The following UBE2E3 variants were observed in gnomAD, a reference collection of about 807,000 sequenced individuals.
UBE2E3 encodes ubiquitin-conjugating enzyme E2 E3.
Under a neutral mutation model 23.6 loss-of-function variants are expected in UBE2E3, and 5 were observed. The ratio of observed to expected loss-of-function variants is 0.21; its 90% confidence interval spans 0.11 to 0.44. The LOEUF (loss-of-function observed/expected upper bound fraction) is 0.44. Among genes scored for constraint, UBE2E3 ranks in the 20% least tolerant of loss-of-function variants. The probability of loss-of-function intolerance (pLI) is 0.99; values close to 1 mark genes in which losing one functional copy is unlikely to be tolerated. For missense variants in UBE2E3, 81 were observed against 249.8 expected, an observed-to-expected ratio of 0.32 and a Z score of 4.55; for synonymous variants, 78 against 87.5, an observed-to-expected ratio of 0.89 and a Z score of 0.60.
intron 3 of UBE2E3, among the ~76,000 whole-genome samples, chr2:180,985,040 G>C (rs1399729780): frequency 6.6e-6 from 1 of 151,988 alleles, no homozygotes; most frequent in Non-Finnish European, 1.5e-5. Flanking sequence ...TATTCACTTG[G>C]GATGATCAGA....
chr2:180,987,370 G>T (rs1299252831), intron 3 of UBE2E3: 14 of 1,549,936 alleles, frequency 9.0e-6, no homozygotes, highest in Admixed American at 2.0e-5. Context: ...GTCACCACTT[G>T]TGCAAACAGC....
At chr2:181,021,436 C>G (rs1484459135) in intron 3 of UBE2E3, among the ~76,000 whole-genome samples, 1 of 135,340 alleles carries the variant, frequency 7.4e-6, no homozygotes, top group Non-Finnish European at 1.6e-5. Flanking sequence ...TCCCTTCCTT[C>G]CTTTCTCCCT....
At chr2:181,024,233 T>A (rs778268767) in intron 3 of UBE2E3, among the ~76,000 whole-genome samples, 1 of 152,146 alleles carries the variant, frequency 6.6e-6, no homozygotes, top group Non-Finnish European at 1.5e-5. Context: ...CTTGACTGAC[T>A]CTTCTCAGAA....
chr2:181,051,067 A>G (rs1223769090), intron 3 of UBE2E3, among the ~76,000 whole-genome samples: 12 of 151,842 alleles, frequency 7.9e-5, no homozygotes, highest in Non-Finnish European at 1.8e-4. Context: ...CCCAGAGGCA[A>G]TAACTATCCT....
At chr2:181,034,058 A>C (rs1686180519) in intron 3 of UBE2E3, among the ~76,000 whole-genome samples, 1 of 152,196 alleles carries the variant, frequency 6.6e-6, no homozygotes, top group South Asian at 2.1e-4. Context: ...GAGAAATAGG[A>C]ACACTTTTAC....
At chr2:181,022,155 C>A (rs1012567034) in intron 3 of UBE2E3, among the ~76,000 whole-genome samples, 16 of 152,074 alleles carry the variant, frequency 1.1e-4, no homozygotes, top group African/African-American at 3.4e-4. Flanking sequence ...ATTGTTATGG[C>A]AAACATACTA....
At chr2:180,999,262 AAAG>A (rs1684925114) in intron 3 of UBE2E3, among the ~76,000 whole-genome samples, 1 of 152,210 alleles carries the variant, frequency 6.6e-6, no homozygotes, top group East Asian at 1.9e-4. Context: ...ACAGTAGGCT[AAAG>A]AAGAAAAACT....
intron 3 of UBE2E3, among the ~76,000 whole-genome samples, chr2:180,999,961 G>A (rs1335715173): frequency 6.6e-6 from 1 of 152,188 alleles, no homozygotes; most frequent in African/African-American, 2.4e-5. Context: ...ATTAAAACCA[G>A]TTGTAATAAC....
intron 3 of UBE2E3, among the ~76,000 whole-genome samples, chr2:181,038,212 C>G (rs983745577): frequency 2.6e-5 from 4 of 152,054 alleles, no homozygotes; most frequent in African/African-American, 9.7e-5. Flanking sequence ...TTTACTGTAC[C>G]TTTCCTGTGT....
chr2:181,042,911 A>T (rs1230274768), intron 3 of UBE2E3, among the ~76,000 whole-genome samples: 1 of 152,186 alleles, frequency 6.6e-6, no homozygotes, highest in Non-Finnish European at 1.5e-5. Flanking sequence ...ATGCAACCAG[A>T]TTTTTAGATC....
chr2:180,999,146 A>C (rs1446681930), intron 3 of UBE2E3, among the ~76,000 whole-genome samples: 1 of 152,150 alleles, frequency 6.6e-6, no homozygotes, highest in African/African-American at 2.4e-5. Flanking sequence ...AGAATATGAA[A>C]ATTATAAAAG....
chr2:181,061,455 T>A (rs1478316928), intron 5 of UBE2E3, among the ~76,000 whole-genome samples: 1 of 151,538 alleles, frequency 6.6e-6, no homozygotes, highest in Non-Finnish European at 1.5e-5. Context: ...GCAATGTGTC[T>A]GAAACCAGTG....
chr2:181,050,461 T>G (rs1428241373), intron 3 of UBE2E3, among the ~76,000 whole-genome samples: 1 of 151,876 alleles, frequency 6.6e-6, no homozygotes, highest in African/African-American at 2.4e-5. Context: ...GAGTAGACAC[T>G]TAAGCAGAGA....
intron 3 of UBE2E3, among the ~76,000 whole-genome samples, chr2:181,019,835 TTC>T (rs1685616981): frequency 6.6e-6 from 1 of 151,902 alleles, no homozygotes; most frequent in Non-Finnish European, 1.5e-5. Context: ...TTTAATTTTT[TTC>T]TTTTTTTTGT....
At chr2:181,026,740 CT>C (rs78035403) in intron 3 of UBE2E3, among the ~76,000 whole-genome samples, 5,597 of 151,824 alleles carry the variant, frequency 0.037, 292 homozygotes, top group East Asian at 0.19. Flanking sequence ...CTAAATACAA[CT>C]TTTGTGTCAG....
At chr2:181,010,841 G>A (rs1252896433) in intron 3 of UBE2E3, among the ~76,000 whole-genome samples, 1 of 150,042 alleles carries the variant, frequency 6.7e-6, no homozygotes. Context: ...TTGCATGGAT[G>A]TGTTTATTGG....
At position 181,032,394 on chromosome 2, in the gene UBE2E3, G is replaced by A. The variant is rs539132207; in HGVS notation, c.246-25299G>A. ...ATATATTATCCTTTTATATACATGG[G>A]TTACAAAAAAGTCATTTGACTAACT... On this transcript the variant is annotated intron_variant, in intron 3 of 5. Transcript: ENST00000410062. Among the ~76,000 whole-genome samples, 4 of 152,120 alleles carry A rather than the reference G, an allele frequency of 2.6e-5. No homozygotes were observed. The East Asian group carries it at 7.7e-4, about 29-fold the overall frequency.
chr2:181,021,489 CTT>C (rs1313835365), intron 3 of UBE2E3, among the ~76,000 whole-genome samples: 1 of 133,482 alleles, frequency 7.5e-6, no homozygotes, highest in African/African-American at 2.8e-5. Flanking sequence ...CTCTCTCTCT[CTT>C]CCTTTCCTTT....
chr2:181,001,545 G>C (rs1267124378), intron 3 of UBE2E3, among the ~76,000 whole-genome samples: 1 of 152,098 alleles, frequency 6.6e-6, no homozygotes, highest in Non-Finnish European at 1.5e-5. Context: ...AAGTAGGTTT[G>C]CTTAAGCATA....
Sources: gnomAD v4.1 joint callset for allele counts (sites outside exome capture counted in the v4.1 genomes callset) on GRCh38, gnomAD v4.1.1 for gene constraint, MANE v1.5 for transcripts, NCBI Gene and HGNC (gene_info 2026-07-23, HGNC 2026-07-21) for gene names.